SF3B6: variants seen among roughly 807,000 people sequenced by gnomAD.
SF3B6 encodes SF3b 14 kDa subunit.
SF3B6 carries 3 observed loss-of-function variants against 15.9 expected under a neutral mutation model. That is an observed-to-expected ratio of 0.19 (90% CI 0.09 to 0.49). The LOEUF (loss-of-function observed/expected upper bound fraction) is 0.49. SF3B6 is among the 20% of genes least tolerant of loss of function. The pLI, the probability that SF3B6 is intolerant of heterozygous loss-of-function variation, is 0.97. For synonymous variants in SF3B6, 49 were observed against 51.1 expected, an observed-to-expected ratio of 0.96 and a Z score of 0.18; for missense variants, 71 against 154.3, an observed-to-expected ratio of 0.46 and a Z score of 2.86.
At chr2:24,073,940 T>C in intron 2 of SF3B6, 136 bp downstream of exon 2, 1 of 645,306 alleles carries the variant, frequency 1.5e-6, no homozygotes, top group South Asian at 1.7e-5. Flanking sequence ...ATCTCTCTGA[T>C]CTCAATCTGC....
Position 24,074,177 on chromosome 2 carries a change from T to G in SF3B6, c.48A>C (p.Glu16Asp), listed in dbSNP as rs1190158100. The G allele has an allele frequency of 6.3e-7, 1 of 1,591,830 alleles. No homozygotes were observed. The stretch of plus-strand genomic sequence containing the variant: ...TTCTTATATACAATATCCGATTTAC[T>G]TCAGGTGGAAGTCGAATCTAAAATG... ...AKRANIRLPP[E>D]VNRILYIRNL... The change falls in exon 2 of 4, where the codon GAA (glutamate) becomes GAC (aspartate). Residue 16 changes from glutamate (E) to aspartate (D), a missense_variant. Physicochemically the swap from Glu to Asp is conservative, Grantham distance 45. Around this residue, in one of 3 missense-constraint regions of SF3B6, gnomAD observed 17 missense variants for 19.9 expected, o/e 0.86. Transcript: ENST00000233468.
At chr2:24,068,089 G>A (rs965946913) in intron 3 of SF3B6, among the ~76,000 whole-genome samples, 4 of 151,980 alleles carry the variant, frequency 2.6e-5, no homozygotes, top group Non-Finnish European at 4.4e-5. Context: ...TCAGCCTCCC[G>A]AGTAGCTGGG....
intron 1 of SF3B6, 100 bp downstream of exon 1, chr2:24,076,100 C>G: frequency 1.4e-6 from 2 of 1,466,992 alleles, no homozygotes; most frequent in South Asian, 1.1e-5. Flanking sequence ...TGGAGTTCTC[C>G]GCTCTGGGGA....
intron 1 of SF3B6, among the ~76,000 whole-genome samples, chr2:24,075,286 G>A (rs937801804): frequency 6.6e-6 from 1 of 151,496 alleles, no homozygotes; most frequent in African/African-American, 2.4e-5. Flanking sequence ...CTATCATCAA[G>A]GTCACCAAAA....
At chr2:24,071,855 C>CT (rs1386340382) in intron 2 of SF3B6, among the ~76,000 whole-genome samples, 1 of 152,140 alleles carries the variant, frequency 6.6e-6, no homozygotes, top group East Asian at 1.9e-4. Flanking sequence ...ATTCCCTGTC[C>CT]TTTCATTTTG....
intron 2 of SF3B6, among the ~76,000 whole-genome samples, chr2:24,069,993 T>C (rs9309225): frequency 0.39 from 59,463 of 151,916 alleles, 12,455 homozygotes; most frequent in African/African-American, 0.53. Flanking sequence ...TCTACTTTCT[T>C]CTATCAGTTC....
intron 2 of SF3B6, among the ~76,000 whole-genome samples, chr2:24,070,715 G>C (rs1422887405): frequency 6.6e-6 from 1 of 152,146 alleles, no homozygotes; most frequent in Non-Finnish European, 1.5e-5. Flanking sequence ...TCTCAGTACT[G>C]GGCAAACTGG....
chr2:24,072,716 A>ATT (rs1430051688), intron 2 of SF3B6, among the ~76,000 whole-genome samples: 5 of 152,216 alleles, frequency 3.3e-5, no homozygotes, highest in African/African-American at 1.2e-4. Flanking sequence ...CTGTTTCCAC[A>ATT]TTAAAAGCTA....
Position 24,067,731 on chromosome 2 carries a change from G to A in SF3B6, c.*31C>T. ...AAAAGGTGGTAGTTGTCATTCGTGG[G>A]ATTTAGTCCAAATGAAAATGTAGAA... On this transcript the variant is annotated 3_prime_UTR_variant, in exon 4 of 4. Coordinates refer to ENST00000233468, the MANE Select transcript of SF3B6 (RefSeq NM_016047.4). 1 of 1,558,946 alleles carries A rather than the reference G, an allele frequency of 6.4e-7. No individual in the cohort carries two copies. The highest frequency in any genetic ancestry group is 8.8e-7 in the Non-Finnish European group (1 of 1,134,710).
intron 1 of SF3B6, 66 bp downstream of exon 1, chr2:24,076,134 G>C (rs1318251363): frequency 1.3e-6 from 2 of 1,598,830 alleles, no homozygotes; most frequent in South Asian, 1.1e-5. Context: ...AGAATGCTCC[G>C]ATCCACGCCG....
intron 2 of SF3B6, 164 bp downstream of exon 2, chr2:24,073,912 C>T (rs6709318): frequency 0.029 from 16,248 of 555,674 alleles, 2,158 homozygotes; most frequent in African/African-American, 0.29. Context: ...GGTTTTCTCC[C>T]CCCTTCAAAA....
At chr2:24,073,980 G>A (rs1193679257) in intron 2 of SF3B6, 96 bp downstream of exon 2, 33 of 776,020 alleles carry the variant, frequency 4.3e-5, no homozygotes, top group South Asian at 7.3e-5. Flanking sequence ...AAGGGTTGTC[G>A]CACTGCACAC....
chr2:24,074,078 T>A lies in SF3B6; in HGVS notation c.147A>T (p.Arg49Ser). 6.5e-7 allele frequency: 1 copy of A among 1,532,066 alleles called. No individual in the cohort carries two copies. The highest frequency in any genetic ancestry group is 1.1e-5 in the South Asian group (1 of 87,422). 94.9% of individuals were successfully genotyped at this position (1,532,066 alleles called of 1,614,324 possible). Residue 49 changes from arginine to serine, a missense_variant and splice_region_variant, in exon 2 of 4, where the codon AGA becomes AGT. Arg to Ser is a moderately radical substitution (Grantham distance 110, BLOSUM62 -1). Coordinates refer to ENST00000233468, the MANE Select transcript of SF3B6 (RefSeq NM_016047.4). ...TTAAATGACTCAGTAAGACTCACAC[T>A]CTGATTTGACGAATAGGTCCATATT... Reference protein sequence around the residue: ...FGKYGPIRQIRVGNTPETRGT... With the variant: ...FGKYGPIRQISVGNTPETRGT...
chr2:24,068,491 T>C (rs184430857), intron 2 of SF3B6, 32 bp from the exon 3 acceptor site: 24 of 1,567,462 alleles, frequency 1.5e-5, no homozygotes, highest in Middle Eastern at 1.7e-4. Context: ...AATTAAGATA[T>C]ACATTTACCT....
chr2:24,075,375 TTG>T (rs1664721800), intron 1 of SF3B6, among the ~76,000 whole-genome samples: 1 of 150,228 alleles, frequency 6.7e-6, no homozygotes. Context: ...TTTTTTTTTT[TTG>T]AGTCAGGGTC....
intron 2 of SF3B6, among the ~76,000 whole-genome samples, chr2:24,072,408 C>G (rs1664671412): frequency 6.6e-6 from 1 of 152,166 alleles, no homozygotes; most frequent in Admixed American, 6.5e-5. Context: ...AACTCACAAC[C>G]TGCCCAGGGT....
intron 2 of SF3B6, among the ~76,000 whole-genome samples, chr2:24,071,218 C>G (rs753069119): frequency 2.0e-5 from 3 of 152,068 alleles, no homozygotes; most frequent in Admixed American, 6.5e-5. Context: ...TTCTCAAACT[C>G]CTGACCTTGT....
intron 2 of SF3B6, 45 bp from the exon 3 acceptor site, chr2:24,068,504 G>C: frequency 6.6e-7 from 1 of 1,526,246 alleles, no homozygotes. Context: ...ATTTACCTGA[G>C]CATTGATAGT....
At chr2:24,073,162 T>A (rs2150978613) in intron 2 of SF3B6, among the ~76,000 whole-genome samples, 1 of 152,298 alleles carries the variant, frequency 6.6e-6, no homozygotes, top group Non-Finnish European at 1.5e-5. Flanking sequence ...GACCTCATAG[T>A]CCTAAAGCCA....
Sources: gnomAD v4.1 joint callset for allele counts (sites outside exome capture counted in the v4.1 genomes callset) on GRCh38, gnomAD v4.1.1 for gene constraint, gnomAD v4.1.1 regional missense constraint, MANE v1.5 for transcripts, NCBI Gene and HGNC (gene_info 2026-07-23, HGNC 2026-07-21) for gene names.